The following SPEF2 variants were observed in gnomAD, a reference collection of about 807,000 sequenced individuals.
The protein encoded by SPEF2 is sperm flagella and cilia-associated protein 2.
Under a neutral mutation model 224.6 loss-of-function variants are expected in SPEF2, and 187 were observed. That is an observed-to-expected ratio of 0.83 (90% confidence interval 0.74 to 0.94). SPEF2 has a LOEUF of 0.94. Among genes scored for constraint, SPEF2 ranks in the 40% least tolerant of loss-of-function variants. The pLI is 0.00. For synonymous variants in SPEF2, 715 were observed against 707.3 expected, an observed-to-expected ratio of 1.01 and a Z score of -0.17; for missense variants, 2,170 against 2,135.6, an observed-to-expected ratio of 1.02 and a Z score of -0.32.
intron 23 of SPEF2, among the ~76,000 whole-genome samples, chr5:35,741,457 G>T (rs895681357): frequency 2.6e-5 from 4 of 152,196 alleles, no homozygotes; most frequent in Non-Finnish European, 5.9e-5. Context: ...GGTATGTCTG[G>T]AGCAGAGTGA....
At chr5:35,635,024 C>T (rs904842789) in intron 2 of SPEF2, among the ~76,000 whole-genome samples, 1 of 152,026 alleles carries the variant, frequency 6.6e-6, no homozygotes, top group Non-Finnish European at 1.5e-5. Context: ...TTGAAGAATA[C>T]TAGCGAAGTG....
chr5:35,778,583 A>C (rs931417597), intron 29 of SPEF2, among the ~76,000 whole-genome samples: 3 of 152,210 alleles, frequency 2.0e-5, no homozygotes, highest in Admixed American at 6.5e-5. Context: ...TATACAACAG[A>C]GGCTATTCTG....
At chr5:35,790,209 A>G (rs1432655502) in intron 30 of SPEF2, 1 of 694,074 alleles carries the variant, frequency 1.4e-6, no homozygotes, top group Non-Finnish European at 2.6e-6. Flanking sequence ...CAAGGCTGAA[A>G]GTATGACGGA....
chr5:35,712,935 A>G, intron 20 of SPEF2, 49 bp downstream of exon 20: 1 of 1,518,968 alleles, frequency 6.6e-7, no homozygotes. Flanking sequence ...TGCATTTTAT[A>G]ACTATCTCAG....
chr5:35,684,263 C>T (rs147246291), intron 10 of SPEF2, among the ~76,000 whole-genome samples: 155 of 152,266 alleles, frequency 1.0e-3, no homozygotes, highest in African/African-American at 3.5e-3. Context: ...TCGTCATGTT[C>T]TGATTTCATC....
At chr5:35,780,628 A>G (rs1480752211) in intron 30 of SPEF2, among the ~76,000 whole-genome samples, 2 of 152,320 alleles carry the variant, frequency 1.3e-5, no homozygotes, top group East Asian at 3.9e-4. Flanking sequence ...TGCGAGCTCC[A>G]CAATGCCCTG....
At position 35,691,040 on chromosome 5, in the gene SPEF2, A is replaced by G. The variant is rs200334865; in HGVS notation, c.1528A>G (p.Met510Val). 155 of 1,612,622 alleles carry G rather than the reference A, an allele frequency of 9.6e-5. No homozygotes were observed. In the African/African-American group the frequency reaches 1.9e-3, roughly 19 times the overall value. ...TATTTGATCGTTATTTTTACAGAAC[A>G]TGGTTGGAGAGTGGGCCTTACCAGA... The part of the protein sequence containing the change: ...DTNDYEEYKN[M>V]VGEWALPEEM... Residue 510 changes from methionine to valine, a missense_variant, in exon 11 of 37, where the codon ATG (methionine) becomes GTG (valine). Transcript: ENST00000356031.
chr5:35,675,768 A>G (rs774489926), intron 10 of SPEF2: 5 of 347,494 alleles, frequency 1.4e-5, no homozygotes, highest in African/African-American at 2.1e-5. Context: ...ACTGATTCTA[A>G]CTTAACAGAG....
intron 21 of SPEF2, among the ~76,000 whole-genome samples, chr5:35,734,785 C>T (rs1280882408): frequency 2.0e-5 from 3 of 148,872 alleles, no homozygotes; most frequent in Admixed American, 6.7e-5. Context: ...AATCTCAGCT[C>T]ACTGCAACCT....
In SPEF2 at chr5:35,697,799, T is replaced by C. The variant is rs772194346; in HGVS notation, c.2141+6T>C. 2 of 1,582,460 alleles carry C rather than the reference T, an allele frequency of 1.3e-6. No homozygotes were observed. Among genetic ancestry groups the C allele is most frequent in the African/African-American group, 2.7e-5 (2 of 74,336 alleles). On this transcript the variant is annotated splice_donor_region_variant and intron_variant, in intron 15 of 36. Transcript: ENST00000356031. Reference sequence around the variant, plus strand: ...ATCATAGTAAATGCTATTAAGTATGTATTGCATTTTTCTTCCTCTCATCTA... The same window carrying C: ...ATCATAGTAAATGCTATTAAGTATGCATTGCATTTTTCTTCCTCTCATCTA...
intron 10 of SPEF2, among the ~76,000 whole-genome samples, chr5:35,688,867 A>G (rs1015131366): frequency 3.9e-5 from 6 of 152,184 alleles, no homozygotes; most frequent in Non-Finnish European, 7.4e-5. Context: ...GTCAATTAGT[A>G]TCTTCATTGT....
chr5:35,798,484 T>C (rs978894277), intron 33 of SPEF2, among the ~76,000 whole-genome samples: 2 of 152,202 alleles, frequency 1.3e-5, no homozygotes, highest in African/African-American at 4.8e-5. Flanking sequence ...CTCCACGTCA[T>C]TGGTCAAACT....
intron 33 of SPEF2, among the ~76,000 whole-genome samples, chr5:35,796,192 G>A (rs553956184): frequency 1.3e-4 from 20 of 152,114 alleles, no homozygotes; most frequent in Non-Finnish European, 2.1e-4. Flanking sequence ...TACAGCAAGG[G>A]TTTGCCTACA....
At chr5:35,626,902 C>T (rs1361532418) in intron 1 of SPEF2, among the ~76,000 whole-genome samples, 1 of 152,036 alleles carries the variant, frequency 6.6e-6, no homozygotes, top group African/African-American at 2.4e-5. Context: ...GCTCAACTTC[C>T]TACAACCACA....
At chr5:35,705,185 G>GA (rs1224455598) in intron 17 of SPEF2, among the ~76,000 whole-genome samples, 6 of 151,818 alleles carry the variant, frequency 4.0e-5, no homozygotes, top group African/African-American at 1.2e-4. Flanking sequence ...TCTCCAGGAA[G>GA]AAAAAAACAG....
In SPEF2 at chr5:35,776,299, C is replaced by T; in HGVS notation, c.4121C>T (p.Ala1374Val). 1 of 1,611,852 alleles carries T rather than the reference C, an allele frequency of 6.2e-7. No homozygotes were observed. Among genetic ancestry groups the T allele is most frequent in the Non-Finnish European group, 8.5e-7 (1 of 1,179,164 alleles). The change falls in exon 29 of 37, where the codon GCA (alanine) becomes GTA (valine). Residue 1374 changes from alanine to valine, a missense_variant. Ala to Val is a moderately conservative substitution (Grantham distance 64). Coordinates refer to ENST00000356031, the MANE Select transcript of SPEF2 (RefSeq NM_024867.4). Reference protein sequence around the residue: ...QFRLELIKTKALALLEDLVTK... With the variant: ...QFRLELIKTKVLALLEDLVTK... Reference sequence around the variant, plus strand: ...CGACTTGAACTGATAAAGACAAAAGCATTGGCTCTTCTTGAAGATTTAGTA... The same window carrying T: ...CGACTTGAACTGATAAAGACAAAAGTATTGGCTCTTCTTGAAGATTTAGTA...
intron 32 of SPEF2, 70 bp downstream of exon 32, chr5:35,793,411 G>GTAACATCATTGAGTA: frequency 3.3e-6 from 5 of 1,494,230 alleles, no homozygotes; most frequent in Non-Finnish European, 4.5e-6. Flanking sequence ...ATTACTCAAT[G>GTAACATCATTGAGTA]ATGTTACATT....
intron 13 of SPEF2, among the ~76,000 whole-genome samples, chr5:35,695,168 T>C (rs1012784083): frequency 6.6e-6 from 1 of 152,140 alleles, no homozygotes; most frequent in Non-Finnish European, 1.5e-5. Flanking sequence ...TCTTAAGAGA[T>C]AATTTTAGTT....
intron 13 of SPEF2, among the ~76,000 whole-genome samples, chr5:35,694,579 C>T (rs1410522264): frequency 6.6e-6 from 1 of 152,192 alleles, no homozygotes. Context: ...TTTTCAGCCT[C>T]CTTCGAATAG....
Sources: gnomAD v4.1 joint callset for allele counts (sites outside exome capture counted in the v4.1 genomes callset) on GRCh38, gnomAD v4.1.1 for gene constraint, MANE v1.5 for transcripts, NCBI Gene and HGNC (gene_info 2026-07-23, HGNC 2026-07-21) for gene names.